The following CWC27 variants were observed in gnomAD, a reference collection of about 807,000 sequenced individuals.
CWC27 encodes the protein spliceosome-associated protein CWC27 homolog.
A neutral mutation model predicts 63.6 loss-of-function variants in CWC27; 47 were observed. The ratio of observed to expected loss-of-function variants is 0.74; its 90% CI spans 0.58 to 0.94. The LOEUF (loss-of-function observed/expected upper bound fraction) is 0.94. CWC27 is among the 40% of genes least tolerant of loss of function. The pLI, the probability that CWC27 is intolerant of heterozygous loss-of-function variation, is 0.00. For synonymous variants in CWC27, 175 were observed against 179.8 expected (o/e 0.97, Z 0.22); for missense variants, 495 against 554.3 (o/e 0.89, Z 1.07).
intron 11 of CWC27, among the ~76,000 whole-genome samples, chr5:64,953,246 A>C (rs1325904808): frequency 1.3e-5 from 2 of 152,082 alleles, no homozygotes; most frequent in African/African-American, 4.8e-5. Flanking sequence ...TCTTATTCAC[A>C]CTGTTATTAT....
At chr5:64,847,315 G>A (rs569444822) in intron 10 of CWC27, among the ~76,000 whole-genome samples, 90 of 151,984 alleles carry the variant, frequency 5.9e-4, no homozygotes, top group African/African-American at 2.1e-3. Flanking sequence ...ATGATGAAGG[G>A]GTCAATTTAC....
chr5:64,965,444 A>T (rs1321362513), intron 11 of CWC27, among the ~76,000 whole-genome samples: 1 of 152,222 alleles, frequency 6.6e-6, no homozygotes, highest in Non-Finnish European at 1.5e-5. Context: ...TGAGGCATAG[A>T]CAACATTCTA....
intron 11 of CWC27, among the ~76,000 whole-genome samples, chr5:64,950,293 A>G (rs1251465584): frequency 6.6e-6 from 1 of 151,948 alleles, no homozygotes; most frequent in Non-Finnish European, 1.5e-5. Flanking sequence ...GTATCTGTCT[A>G]ATGTACACAT....
intron 11 of CWC27, among the ~76,000 whole-genome samples, chr5:64,917,863 C>T (rs755538478): frequency 9.9e-5 from 15 of 152,146 alleles, no homozygotes; most frequent in Admixed American, 5.9e-4. Context: ...CTCCTGGTCT[C>T]CAGCTTGCTG....
At chr5:64,835,358 A>G (rs1034515991) in intron 10 of CWC27, among the ~76,000 whole-genome samples, 2 of 151,808 alleles carry the variant, frequency 1.3e-5, no homozygotes, top group Non-Finnish European at 3.0e-5. Flanking sequence ...CAGTGTTCCT[A>G]TTTCCCTTTA....
chr5:64,816,665 T>A (rs1745041235), intron 10 of CWC27, among the ~76,000 whole-genome samples: 1 of 152,110 alleles, frequency 6.6e-6, no homozygotes, highest in South Asian at 2.1e-4. Flanking sequence ...CTATATGAGA[T>A]AAACTACCTT....
chr5:64,782,077 A>G (rs748776859), intron 3 of CWC27, 44 bp downstream of exon 3: 2 of 1,055,660 alleles, frequency 1.9e-6, no homozygotes, highest in Non-Finnish European at 2.7e-6. Flanking sequence ...TGTTGTTATT[A>G]TTATTTCCAA....
intron 11 of CWC27, among the ~76,000 whole-genome samples, chr5:64,962,072 A>G (rs575756358): frequency 6.6e-6 from 1 of 152,208 alleles, no homozygotes; most frequent in Non-Finnish European, 1.5e-5. Context: ...ATTATTTTAA[A>G]TGTCTTGTGT....
intron 13 of CWC27, among the ~76,000 whole-genome samples, chr5:65,010,217 A>G (rs962884728): frequency 6.6e-6 from 1 of 152,188 alleles, no homozygotes; most frequent in African/African-American, 2.4e-5. Flanking sequence ...AAACAGGGAC[A>G]TACACCAGTG....
At chr5:64,813,407 G>A (rs1190194952) in intron 10 of CWC27, among the ~76,000 whole-genome samples, 1 of 152,066 alleles carries the variant, frequency 6.6e-6, no homozygotes, top group Non-Finnish European at 1.5e-5. Flanking sequence ...AAAAATCCTT[G>A]AACTTCAGCT....
At chr5:64,840,575 TG>T (rs1005491486) in intron 10 of CWC27, among the ~76,000 whole-genome samples, 1 of 151,518 alleles carries the variant, frequency 6.6e-6, no homozygotes, top group Admixed American at 6.6e-5. Context: ...GGTAACAGTA[TG>T]TACCACATAA....
chr5:64,841,359 A>G (rs910761273), intron 10 of CWC27, among the ~76,000 whole-genome samples: 4 of 152,206 alleles, frequency 2.6e-5, no homozygotes, highest in Non-Finnish European at 5.9e-5. Flanking sequence ...CAGATTGCTC[A>G]TGGCCTAATC....
intron 11 of CWC27, among the ~76,000 whole-genome samples, chr5:64,886,960 T>C (rs1421986801): frequency 6.6e-6 from 1 of 152,122 alleles, no homozygotes; most frequent in Non-Finnish European, 1.5e-5. Flanking sequence ...AGTAATTTTC[T>C]TAGAAGACTG....
At chr5:64,862,647 A>G (rs1458153540) in intron 10 of CWC27, among the ~76,000 whole-genome samples, 1 of 152,192 alleles carries the variant, frequency 6.6e-6, no homozygotes, top group African/African-American at 2.4e-5. Flanking sequence ...AATGTTTTTT[A>G]TAGCTTGTCT....
chr5:64,913,995 G>A (rs776380333), intron 11 of CWC27, among the ~76,000 whole-genome samples: 5 of 152,030 alleles, frequency 3.3e-5, no homozygotes, highest in South Asian at 2.1e-4. Flanking sequence ...AAATAGACAC[G>A]TGATATAGAA....
intron 11 of CWC27, among the ~76,000 whole-genome samples, chr5:64,912,159 TTGAATTAAGGTGGTTC>T: frequency 6.6e-6 from 1 of 151,588 alleles, no homozygotes. Flanking sequence ...GTACCTGAAA[TTGAATTAAGGTGGTTC>T]TGGATTGCCA....
intron 12 of CWC27, among the ~76,000 whole-genome samples, chr5:64,975,006 A>C (rs193190965): frequency 8.7e-4 from 132 of 152,314 alleles, no homozygotes; most frequent in Admixed American, 2.0e-3. Context: ...GCTAAATGCT[A>C]ACATACTCTG....
At chr5:65,011,710 A>G (rs923082919) in intron 13 of CWC27, among the ~76,000 whole-genome samples, 2 of 152,246 alleles carry the variant, frequency 1.3e-5, no homozygotes, top group African/African-American at 2.4e-5. Context: ...GAAAAATATA[A>G]AAGACCTGAG....
At chr5:65,005,415 C>T (rs1332112145) in intron 13 of CWC27, among the ~76,000 whole-genome samples, 2 of 152,222 alleles carry the variant, frequency 1.3e-5, no homozygotes, top group South Asian at 2.1e-4. Flanking sequence ...TCAGGTCCCA[C>T]ATGACACCTG....
Sources: gnomAD v4.1 joint callset for allele counts (sites outside exome capture counted in the v4.1 genomes callset) on GRCh38, gnomAD v4.1.1 for gene constraint, MANE v1.5 for transcripts, NCBI Gene and HGNC (gene_info 2026-07-23, HGNC 2026-07-21) for gene names.